CTNNA2: variants seen among roughly 807,000 people sequenced by gnomAD.
CTNNA2 encodes catenin alpha-2.
CTNNA2 carries 42 observed loss-of-function variants against 101.0 expected under a neutral mutation model. The ratio of observed to expected loss-of-function variants is 0.42; its 90% CI spans 0.32 to 0.54. The LOEUF (loss-of-function observed/expected upper bound fraction) is 0.54, where lower values mean the gene tolerates loss of function less well. CTNNA2 is among the 20% of genes least tolerant of loss of function. The probability of loss-of-function intolerance (pLI) is 0.14; values close to 1 mark genes in which losing one functional copy is unlikely to be tolerated. For missense variants in CTNNA2, 871 were observed against 1,223.1 expected (o/e 0.71, Z 4.29); for synonymous variants, 450 against 456.4 (o/e 0.99, Z 0.18).
At chr2:80,148,725 T>A (rs1240129520) in intron 7 of CTNNA2, among the ~76,000 whole-genome samples, 1 of 152,166 alleles carries the variant, frequency 6.6e-6, no homozygotes, top group African/African-American at 2.4e-5. Flanking sequence ...TTTCCTTAGG[T>A]TCCATAAGGA....
At position 80,284,558 on chromosome 2, in the gene CTNNA2, T is replaced by C. The variant is rs17018952; in HGVS notation, c.1057-108653T>C. 8.6e-3 allele frequency among the ~76,000 whole-genome samples: 1,306 copies of C among 152,248 alleles called. 21 individuals carry two copies. The highest frequency in any genetic ancestry group is 0.029 in the African/African-American group (1,220 of 41,528). On this transcript the variant is annotated intron_variant, in intron 7 of 18. Coordinates refer to ENST00000402739, the MANE Select transcript of CTNNA2 (RefSeq NM_001282597.3). The stretch of plus-strand genomic sequence containing the variant: ...TTCAATGCAGTTTTCTCTTCATTAC[T>C]GGGTTTTTCCTCTACTATGAATCCA...
At chr2:79,386,512 C>T (rs1678107085) in intron 4 of CTNNA2, among the ~76,000 whole-genome samples, 1 of 152,116 alleles carries the variant, frequency 6.6e-6, no homozygotes, top group African/African-American at 2.4e-5. Flanking sequence ...AGTTTATCTG[C>T]TTTAGGTTCT....
At chr2:79,693,495 A>G (rs1684456793) in intron 2 of CTNNA2, among the ~76,000 whole-genome samples, 1 of 151,974 alleles carries the variant, frequency 6.6e-6, no homozygotes, top group African/African-American at 2.4e-5. Flanking sequence ...TACAAGCATC[A>G]GTGAATACAG....
intron 7 of CTNNA2, among the ~76,000 whole-genome samples, chr2:79,992,465 GT>G (rs762402648): frequency 1.3e-5 from 2 of 152,130 alleles, no homozygotes; most frequent in African/African-American, 4.8e-5. Flanking sequence ...AGCAAGTAAT[GT>G]TTTTACAGTT....
chr2:79,910,263 G>T (rs1438500155), intron 7 of CTNNA2, among the ~76,000 whole-genome samples: 1 of 152,192 alleles, frequency 6.6e-6, no homozygotes, highest in Non-Finnish European at 1.5e-5. Flanking sequence ...GTTGTTTAAG[G>T]AAAAGTTCTA....
chr2:79,203,627 T>A lies in CTNNA2; in HGVS notation c.-406+5551T>A, dbSNP rs554180518. Among the ~76,000 whole-genome samples, 109 of 152,316 alleles carry A rather than the reference T, an allele frequency of 7.2e-4. 1 individual carries two copies. Among genetic ancestry groups the A allele is most frequent in the Non-Finnish European group, 1.2e-3 (85 of 68,034 alleles). ...TGTATGATAGACAATGCATAGTTTTTAAATCAAATGCAAAAATGTTTTTTG... is the reference window on the plus strand; with the variant it reads ...TGTATGATAGACAATGCATAGTTTTAAAATCAAATGCAAAAATGTTTTTTG... On this transcript the variant is annotated intron_variant, in intron 2 of 21. Coordinates refer to the CTNNA2 transcript ENST00000466387.
chr2:79,476,023 T>A (rs528739850), intron 4 of CTNNA2, among the ~76,000 whole-genome samples: 2 of 152,350 alleles, frequency 1.3e-5, no homozygotes, highest in East Asian at 3.9e-4. Flanking sequence ...ATGCCATTTA[T>A]ATTTATGGAA....
chr2:79,826,960 T>C (rs1678491960), intron 3 of CTNNA2, among the ~76,000 whole-genome samples: 1 of 152,234 alleles, frequency 6.6e-6, no homozygotes. Context: ...ACCAGGCTTA[T>C]GGCATAAATC....
At chr2:79,370,242 T>C (rs1677839836) in intron 3 of CTNNA2, among the ~76,000 whole-genome samples, 1 of 152,214 alleles carries the variant, frequency 6.6e-6, no homozygotes, top group South Asian at 2.1e-4. Flanking sequence ...AAGGACAAAT[T>C]ACTCAACTTT....
intron 7 of CTNNA2, among the ~76,000 whole-genome samples, chr2:80,110,391 A>G (rs996280055): frequency 6.6e-6 from 1 of 152,220 alleles, no homozygotes. Context: ...GTAGCTGATC[A>G]TGACAGAGCA....
intron 7 of CTNNA2, among the ~76,000 whole-genome samples, chr2:80,140,556 A>G (rs1436751411): frequency 4.6e-5 from 7 of 152,164 alleles, no homozygotes; most frequent in African/African-American, 1.4e-4. Flanking sequence ...CATTTGAAAC[A>G]GATGCTCCAA....
At chr2:80,276,355 G>A (rs1342897611) in intron 7 of CTNNA2, among the ~76,000 whole-genome samples, 1 of 152,118 alleles carries the variant, frequency 6.6e-6, no homozygotes, top group Non-Finnish European at 1.5e-5. Flanking sequence ...TTTCTGCCCG[G>A]CTGGATACAA....
chr2:80,216,383 A>G (rs1708271025), intron 7 of CTNNA2, among the ~76,000 whole-genome samples: 1 of 152,228 alleles, frequency 6.6e-6, no homozygotes, highest in South Asian at 2.1e-4. Flanking sequence ...TTCAGCAGGC[A>G]CAGCAGTTTA....
chr2:80,586,902 A>G (rs1215488671), intron 14 of CTNNA2, among the ~76,000 whole-genome samples: 9 of 152,168 alleles, frequency 5.9e-5, no homozygotes, highest in Non-Finnish European at 1.3e-4. Flanking sequence ...GGGTTCAAGG[A>G]TACCTTTAGT....
intron 3 of CTNNA2, among the ~76,000 whole-genome samples, chr2:79,825,693 G>A (rs975731743): frequency 2.0e-5 from 3 of 152,008 alleles, no homozygotes; most frequent in Non-Finnish European, 4.4e-5. Context: ...GGTAAGAACT[G>A]GAGATCTAAA....
intron 3 of CTNNA2, among the ~76,000 whole-genome samples, chr2:79,783,525 T>C (rs1252998664): frequency 6.6e-6 from 1 of 152,220 alleles, no homozygotes; most frequent in African/African-American, 2.4e-5. Flanking sequence ...CACATAATTG[T>C]GTGGATTCCT....
chr2:79,820,230 A>G (rs1183036685), intron 3 of CTNNA2, among the ~76,000 whole-genome samples: 5 of 152,156 alleles, frequency 3.3e-5, no homozygotes, highest in Non-Finnish European at 7.3e-5. Context: ...TCTTTCTTGC[A>G]TATGTATTAA....
chr2:79,189,012 T>C (rs750747354), intron 1 of CTNNA2, among the ~76,000 whole-genome samples: 15 of 152,166 alleles, frequency 9.9e-5, no homozygotes, highest in Non-Finnish European at 1.9e-4. Flanking sequence ...GTCAATACAG[T>C]GTCTGACACA....
In CTNNA2 at chr2:80,368,196, T is replaced by A. The variant is rs545019981; in HGVS notation, c.1057-25015T>A. ...TTTCTCCCCTCTCCTGTCTATGTAA[T>A]CTTTACCATTTTTAGACTTTCAGCA... On this transcript the variant is annotated intron_variant, in intron 7 of 18. Coordinates refer to ENST00000402739, the MANE Select transcript of CTNNA2 (RefSeq NM_001282597.3). 2.6e-5 allele frequency among the ~76,000 whole-genome samples: 4 copies of A among 152,262 alleles called. No individual in the cohort carries two copies. In the South Asian group the frequency reaches 8.3e-4, roughly 32 times the overall value.
Sources: gnomAD v4.1 joint callset for allele counts (sites outside exome capture counted in the v4.1 genomes callset) on GRCh38, gnomAD v4.1.1 for gene constraint, MANE v1.5 for transcripts, NCBI Gene and HGNC (gene_info 2026-07-23, HGNC 2026-07-21) for gene names.